MAP4K1: variants seen among roughly 807,000 people sequenced by gnomAD.
MAP4K1 encodes mitogen-activated protein kinase kinase kinase kinase 1, also known as MAPK/ERK kinase kinase kinase 1.
A neutral mutation model predicts 122.8 loss-of-function variants in MAP4K1; 35 were observed. That is an observed-to-expected ratio of 0.29 (90% CI 0.22 to 0.38). MAP4K1 has a LOEUF of 0.38. Ranked by LOEUF, MAP4K1 falls within the 10% of genes least tolerant of loss-of-function variation. The pLI is 1.00. For synonymous variants in MAP4K1, 412 were observed against 421.3 expected, an observed-to-expected ratio of 0.98 and a Z score of 0.27; for missense variants, 791 against 1,072.6, an observed-to-expected ratio of 0.74 and a Z score of 3.67.
chr19:38,596,319 C>A lies in MAP4K1; in HGVS notation c.2109G>T (p.Met703Ile). 6.3e-7 allele frequency: 1 copy of A among 1,580,528 alleles called. No individual in the cohort carries two copies. The highest frequency in any genetic ancestry group is 8.6e-7 in the Non-Finnish European group (1 of 1,162,400). Reference protein sequence around the residue: ...FGALSCWLGEMSTEHRGPVQV... With the variant: ...FGALSCWLGEISTEHRGPVQV... The stretch of plus-strand genomic sequence containing the variant: ...AGACTCCGCCCCACTCACCGGTGCT[C>A]ATCTCGCCCAGCCAGCAAGAGAGCG... Residue 703 changes from methionine to isoleucine, a missense_variant, in exon 26 of 31, where the codon ATG becomes ATT. Met to Ile is a conservative substitution (Grantham distance 10, BLOSUM62 1). Coordinates refer to ENST00000396857, the MANE Select transcript of MAP4K1 (RefSeq NM_001042600.3).
intron 19 of MAP4K1, among the ~76,000 whole-genome samples, chr19:38,602,848 A>G (rs184710046): frequency 2.0e-5 from 3 of 149,144 alleles, no homozygotes; most frequent in Admixed American, 1.3e-4. Flanking sequence ...ATACATATAT[A>G]CACATATACA....
intron 19 of MAP4K1, among the ~76,000 whole-genome samples, chr19:38,603,219 CATATACATATACACAT>C (rs1313257849): frequency 6.8e-6 from 1 of 146,832 alleles, no homozygotes; most frequent in Non-Finnish European, 1.5e-5. Context: ...CATATATACA[CATATACATATACACAT>C]ATATATACAC....
chr19:38,605,879 TC>T (rs1975315586), intron 17 of MAP4K1, 149 bp from the exon 18 acceptor site: 2 of 703,748 alleles, frequency 2.8e-6, no homozygotes, highest in African/African-American at 1.9e-5. Context: ...CCTCCAGCCT[TC>T]CCCTGACATC....
intron 30 of MAP4K1, among the ~76,000 whole-genome samples, chr19:38,591,792 G>A (rs779831083): frequency 4.6e-5 from 7 of 151,782 alleles, no homozygotes; most frequent in Non-Finnish European, 8.8e-5. Context: ...ACAACATGGC[G>A]AAAGCCTGTC....
intron 19 of MAP4K1, among the ~76,000 whole-genome samples, chr19:38,603,305 T>C (rs1295500105): frequency 1.3e-5 from 2 of 151,172 alleles, no homozygotes; most frequent in Non-Finnish European, 3.0e-5. Flanking sequence ...CATACATGTA[T>C]ACATATATAC....
At chr19:38,613,343 A>C (rs1456458853) in intron 8 of MAP4K1, among the ~76,000 whole-genome samples, 9 of 150,700 alleles carry the variant, frequency 6.0e-5, no homozygotes, top group Admixed American at 4.0e-4. Flanking sequence ...AAAAAAAAAA[A>C]AAACAACACC....
intron 9 of MAP4K1, among the ~76,000 whole-genome samples, chr19:38,612,128 T>A (rs2144738562): frequency 6.7e-6 from 1 of 150,236 alleles, no homozygotes; most frequent in East Asian, 2.0e-4. Context: ...AAAATAAAAA[T>A]AAATAAATAG....
At chr19:38,609,426 C>T (rs897043615) in intron 13 of MAP4K1, among the ~76,000 whole-genome samples, 170 bp downstream of exon 13, 5 of 152,052 alleles carry the variant, frequency 3.3e-5, no homozygotes, top group African/African-American at 1.2e-4. Flanking sequence ...TGAGTCACCA[C>T]GCCTGGCCTC....
At chr19:38,594,394 C>G (rs980672458) in intron 29 of MAP4K1, among the ~76,000 whole-genome samples, 1 of 152,174 alleles carries the variant, frequency 6.6e-6, no homozygotes, top group Admixed American at 6.6e-5. Flanking sequence ...ACTCCCAGCA[C>G]TTTCGGAGGC....
chr19:38,590,386 AAAAAAAAAATATATATATATATATAT>A lies in MAP4K1; in HGVS notation c.2397-2595_2397-2570del, dbSNP rs1475083311. Among the ~76,000 whole-genome samples, 108 of 68,552 alleles carry A rather than the reference AAAAAAAAAATATATATATATATATAT, an allele frequency of 1.6e-3. 2 individuals are homozygous for A. Among genetic ancestry groups the A allele is most frequent in the Non-Finnish European group, 2.0e-3 (79 of 39,382 alleles). The allele number at this position is 68,552 out of a possible 152,430, so 45.0% of individuals were successfully genotyped here. A position where few individuals can be genotyped will look rare whatever the true frequency, so the allele number is the denominator to read the frequency against. On this transcript the variant is annotated intron_variant, in intron 30 of 30. Transcript: ENST00000396857. ...GATCTTGGACCAGAAAAAAAAAAAA[AAAAAAAAAATATATATATATATATAT>A]ATATATATATATATATATATATATA...
chr19:38,602,234 C>T (rs1188168405), intron 19 of MAP4K1, among the ~76,000 whole-genome samples: 2 of 152,072 alleles, frequency 1.3e-5, no homozygotes, highest in Non-Finnish European at 2.9e-5. Context: ...CAACACCACG[C>T]CTGGCTAATT....
intron 29 of MAP4K1, among the ~76,000 whole-genome samples, chr19:38,593,694 CTGAGA>C (rs1366503860): frequency 6.6e-6 from 1 of 152,168 alleles, no homozygotes; most frequent in Non-Finnish European, 1.5e-5. Context: ...AGATCTCCAG[CTGAGA>C]TAATTTTTGT....
chr19:38,615,575 CAG>C (rs1190592339), intron 4 of MAP4K1, among the ~76,000 whole-genome samples: 1 of 152,010 alleles, frequency 6.6e-6, no homozygotes, highest in Non-Finnish European at 1.5e-5. Context: ...GGCAGAGAGA[CAG>C]AGAGACAGAC....
intron 30 of MAP4K1, among the ~76,000 whole-genome samples, chr19:38,589,474 G>A (rs941006523): frequency 6.7e-6 from 1 of 150,076 alleles, no homozygotes; most frequent in Middle Eastern, 3.2e-3. Flanking sequence ...GGAGTGCAAT[G>A]GCGCGATCTC....
At chr19:38,606,119 T>C in intron 17 of MAP4K1, 54 bp downstream of exon 17, 1 of 1,417,916 alleles carries the variant, frequency 7.1e-7, no homozygotes. Flanking sequence ...CCTGGCCTCC[T>C]GGCCCCCAGT....
Position 38,595,204 on chromosome 19 carries a change from G to A in MAP4K1, c.2340+281C>T, listed in dbSNP as rs8111174. ...CTTGGGAGGCCGAGGCAGGAGAATC[G>A]CGTGAACCCGGGAGGTGGAGGTTGC... On this transcript the variant is annotated intron_variant, in intron 29 of 30. Coordinates refer to ENST00000396857, the MANE Select transcript of MAP4K1 (RefSeq NM_001042600.3). Among the ~76,000 whole-genome samples, 19,100 of 150,606 alleles carry A rather than the reference G, an allele frequency of 0.13. 1,621 individuals are homozygous for A. The highest frequency in any genetic ancestry group is 0.19 in the Non-Finnish European group (12,989 of 67,698).
At chr19:38,604,399 T>A (rs1975260860) in intron 19 of MAP4K1, among the ~76,000 whole-genome samples, 1 of 152,134 alleles carries the variant, frequency 6.6e-6, no homozygotes, top group African/African-American at 2.4e-5. Flanking sequence ...ATGGATCTTG[T>A]CAAAAGACTC....
chr19:38,600,891 C>T (rs536314664), intron 20 of MAP4K1, among the ~76,000 whole-genome samples: 3 of 151,128 alleles, frequency 2.0e-5, no homozygotes, highest in South Asian at 4.2e-4. Flanking sequence ...CTGCAACTTC[C>T]GCCCCCTGGA....
chr19:38,612,450 T>C (rs1263890366), intron 9 of MAP4K1, among the ~76,000 whole-genome samples, 161 bp downstream of exon 9: 1 of 151,988 alleles, frequency 6.6e-6, no homozygotes, highest in Admixed American at 6.6e-5. Flanking sequence ...AAATAAAATA[T>C]TAAATTAAAT....
Sources: allele counts gnomAD v4.1 joint callset (sites outside exome capture counted in the v4.1 genomes callset), GRCh38; gene constraint gnomAD v4.1.1; transcripts MANE v1.5; gene names NCBI Gene and HGNC (gene_info 2026-07-23, HGNC 2026-07-21).